The following GABRG1 variants were observed in gnomAD, a reference collection of about 807,000 sequenced individuals.
The protein encoded by GABRG1 is gamma-aminobutyric acid type A receptor subunit gamma1, also known as gamma-aminobutyric acid receptor subunit gamma-1.
A neutral mutation model predicts 49.8 loss-of-function variants in GABRG1; 49 were observed. The observed-to-expected ratio is 0.98, with a 90% CI of 0.78 to 1.25. The LOEUF is 1.25. GABRG1 is among the 50% of genes most tolerant of loss of function. The pLI, the probability that GABRG1 is intolerant of heterozygous loss-of-function variation, is 0.00. For missense variants in GABRG1, 552 were observed against 552.3 expected, an observed-to-expected ratio of 1.00 and a Z score of 0.01; for synonymous variants, 232 against 185.1, an observed-to-expected ratio of 1.25 and a Z score of -2.06.
intron 1 of GABRG1, among the ~76,000 whole-genome samples, chr4:46,113,442 C>T (rs1720783725): frequency 6.6e-6 from 1 of 151,002 alleles, no homozygotes; most frequent in East Asian, 2.0e-4. Flanking sequence ...GATTCAATTA[C>T]ATTCACCTGG....
At chr4:46,090,639 A>G (rs982169546) in intron 2 of GABRG1, among the ~76,000 whole-genome samples, 2 of 152,040 alleles carry the variant, frequency 1.3e-5, no homozygotes, top group Non-Finnish European at 2.9e-5. Flanking sequence ...AAAATATCCA[A>G]CCCAATAAAG....
At chr4:46,058,123 G>A (rs932324409) in intron 7 of GABRG1, 94 bp downstream of exon 7, 3 of 1,222,940 alleles carry the variant, frequency 2.5e-6, no homozygotes, top group African/African-American at 3.0e-5. Context: ...TAGTCTAGAA[G>A]AATATATCTA....
intron 8 of GABRG1, among the ~76,000 whole-genome samples, chr4:46,041,967 T>A (rs1577625429): frequency 6.6e-6 from 1 of 152,162 alleles, no homozygotes; most frequent in South Asian, 2.1e-4. Context: ...ATTAACAGCT[T>A]TATTTGTAAC....
chr4:46,057,570 G>A (rs1032850), intron 7 of GABRG1, among the ~76,000 whole-genome samples: 76,793 of 151,752 alleles, frequency 0.51, 19,994 homozygotes, highest in African/African-American at 0.63. Context: ...TTTGATTATT[G>A]CAATAGATTG....
intron 8 of GABRG1, among the ~76,000 whole-genome samples, chr4:46,050,504 T>C (rs187722414): frequency 8.5e-4 from 129 of 152,074 alleles, no homozygotes; most frequent in Middle Eastern, 3.4e-3. Flanking sequence ...TTGCCACTAA[T>C]GCCTGGCTAT....
intron 3 of GABRG1, among the ~76,000 whole-genome samples, chr4:46,081,029 T>C (rs1407899812): frequency 4.0e-5 from 6 of 151,882 alleles, no homozygotes; most frequent in Admixed American, 1.3e-4. Context: ...GAACTAATAC[T>C]AAAAAGATTT....
At chr4:46,087,874 ATGAAAAGG>A (rs1379014831) in intron 2 of GABRG1, among the ~76,000 whole-genome samples, 1 of 152,006 alleles carries the variant, frequency 6.6e-6, no homozygotes, top group African/African-American at 2.4e-5. Flanking sequence ...ATATATGTGG[ATGAAAAGG>A]TACATAGGGA....
At chr4:46,122,095 G>C (rs1721103438) in intron 1 of GABRG1, among the ~76,000 whole-genome samples, 1 of 151,972 alleles carries the variant, frequency 6.6e-6, no homozygotes, top group Non-Finnish European at 1.5e-5. Flanking sequence ...AAAGGCCCTT[G>C]ACACATGAGA....
intron 3 of GABRG1, among the ~76,000 whole-genome samples, chr4:46,083,518 T>A (rs556372149): frequency 6.6e-6 from 1 of 151,762 alleles, no homozygotes; most frequent in Non-Finnish European, 1.5e-5. Flanking sequence ...TCCTTAAATA[T>A]CCCTTTTGCC....
At chr4:46,085,105 A>G (rs1719707330) in intron 2 of GABRG1, among the ~76,000 whole-genome samples, 1 of 151,482 alleles carries the variant, frequency 6.6e-6, no homozygotes, top group African/African-American at 2.4e-5. Context: ...TTTCAGTTAA[A>G]CTGATAAATC....
In GABRG1 at chr4:46,065,475, CA is replaced by C. The variant is rs757750771; in HGVS notation, c.430del (p.Trp144GlyfsTer18). ...GTTTCTGAAGAAAGTGTCAGGAATC[CA>C]AATTTTTCCAACCATATTACTGTTA... ...MLNSNMVGKI[W>X]IPDTFFRNSR... On this transcript the variant is annotated frameshift_variant, in exon 4 of 9. Coordinates refer to ENST00000295452, the MANE Select transcript of GABRG1 (RefSeq NM_173536.4). LOFTEE classifies it high-confidence loss of function. The C allele has an allele frequency of 4.4e-6, 7 of 1,591,160 alleles. No homozygotes were observed. The East Asian group carries it at 1.4e-4, about 32-fold the overall frequency.
At chr4:46,048,161 A>G (rs1166381889) in intron 8 of GABRG1, among the ~76,000 whole-genome samples, 2 of 151,996 alleles carry the variant, frequency 1.3e-5, no homozygotes, top group Non-Finnish European at 2.9e-5. Context: ...TAGTGGCTTT[A>G]TCTGTTGCAT....
chr4:46,048,295 G>A (rs1001705523), intron 8 of GABRG1, among the ~76,000 whole-genome samples: 1 of 151,362 alleles, frequency 6.6e-6, no homozygotes, highest in Non-Finnish European at 1.5e-5. Flanking sequence ...TATATTGGAT[G>A]GGCATATGAA....
intron 2 of GABRG1, among the ~76,000 whole-genome samples, chr4:46,092,858 T>C (rs1355521621): frequency 2.7e-5 from 4 of 147,202 alleles, no homozygotes; most frequent in African/African-American, 1.1e-4. Flanking sequence ...GGTCAGGAGT[T>C]TGAGACCAGC....
At chr4:46,108,816 C>A (rs1310005088) in intron 1 of GABRG1, among the ~76,000 whole-genome samples, 1 of 151,004 alleles carries the variant, frequency 6.6e-6, no homozygotes, top group Non-Finnish European at 1.5e-5. Flanking sequence ...AAAGTTCTTA[C>A]TATTAGTAAG....
In GABRG1 at chr4:46,039,640, T is replaced by C. The variant is rs551564399; in HGVS notation, c.*1348A>G. Reference sequence around the variant, plus strand: ...CCAGAAATTTATGTGATGAATCTTATAAACAATTGGTATGTCAAGCTACTT... The same window carrying C: ...CCAGAAATTTATGTGATGAATCTTACAAACAATTGGTATGTCAAGCTACTT... On this transcript the variant is annotated 3_prime_UTR_variant, in exon 9 of 9. Transcript: ENST00000295452. 3 of 151,872 alleles carry C rather than the reference T, an allele frequency of 2.0e-5. No individual in the cohort carries two copies. The highest frequency in any genetic ancestry group is 4.8e-5 in the African/African-American group (2 of 41,518). The allele number at this position is 151,872 out of a possible 1,614,324, so 9.4% of individuals were successfully genotyped here. A position where few individuals can be genotyped will look rare whatever the true frequency, so the allele number is the denominator to read the frequency against.
chr4:46,053,585 T>A (rs905726701), intron 7 of GABRG1, among the ~76,000 whole-genome samples: 1 of 151,978 alleles, frequency 6.6e-6, no homozygotes, highest in East Asian at 1.9e-4. Context: ...CACAAGCTTA[T>A]TAAATCACAT....
intron 2 of GABRG1, among the ~76,000 whole-genome samples, chr4:46,096,183 A>G (rs1720157424): frequency 6.6e-6 from 1 of 151,838 alleles, no homozygotes; most frequent in Non-Finnish European, 1.5e-5. Context: ...CAAATATTAC[A>G]TGTTGTGACA....
At chr4:46,103,719 A>G (rs1720453533) in intron 1 of GABRG1, among the ~76,000 whole-genome samples, 1 of 151,370 alleles carries the variant, frequency 6.6e-6, no homozygotes, top group African/African-American at 2.4e-5. Context: ...GTCATTGACT[A>G]GAGTTAATTT....
Sources: allele counts gnomAD v4.1 joint callset (sites outside exome capture counted in the v4.1 genomes callset), GRCh38; gene constraint gnomAD v4.1.1; transcripts MANE v1.5; gene names NCBI Gene and HGNC (gene_info 2026-07-23, HGNC 2026-07-21).